The following HTR4 variants were observed in gnomAD, a reference collection of about 807,000 sequenced individuals.
HTR4 encodes the protein 5-hydroxytryptamine (serotonin) receptor 4, G protein-coupled.
In HTR4, 16 loss-of-function variants were observed where a neutral mutation model predicts 36.8. The ratio of observed to expected loss-of-function variants is 0.43; its 90% confidence interval spans 0.29 to 0.66. The LOEUF (loss-of-function observed/expected upper bound fraction) is 0.66, where lower values mean the gene tolerates loss of function less well. Ranked by LOEUF, HTR4 falls within the 30% of genes least tolerant of loss-of-function variation. The pLI, the probability that HTR4 is intolerant of heterozygous loss-of-function variation, is 0.13. For missense variants in HTR4, 438 were observed against 490.9 expected (o/e 0.89, Z 1.02); for synonymous variants, 189 against 185.1 (o/e 1.02, Z -0.17).
At chr5:148,505,654 T>G (rs1459221106) in intron 6 of HTR4, among the ~76,000 whole-genome samples, 2 of 152,242 alleles carry the variant, frequency 1.3e-5, no homozygotes, top group Admixed American at 1.3e-4. Context: ...CTCCTTAAGC[T>G]GATAGGCAAC....
intron 5 of HTR4, among the ~76,000 whole-genome samples, chr5:148,458,758 A>C (rs564989755): frequency 6.6e-6 from 1 of 152,306 alleles, no homozygotes; most frequent in Admixed American, 6.5e-5. Context: ...GCACAAAGTC[A>C]GCAGGGACCC....
intron 6 of HTR4, among the ~76,000 whole-genome samples, chr5:148,507,015 T>C (rs1469327517): frequency 2.6e-5 from 4 of 152,200 alleles, no homozygotes; most frequent in Non-Finnish European, 4.4e-5. Flanking sequence ...CCAGCCATCC[T>C]GTTACTGGGT....
At chr5:148,535,027 CAG>C (rs1561602964) in intron 4 of HTR4, among the ~76,000 whole-genome samples, 1 of 152,090 alleles carries the variant, frequency 6.6e-6, no homozygotes, top group African/African-American at 2.4e-5. Context: ...TGTGAGGAAA[CAG>C]GGGAGCCACA....
intron 2 of HTR4, among the ~76,000 whole-genome samples, chr5:148,578,025 A>C (rs949913203): frequency 2.0e-5 from 3 of 152,094 alleles, no homozygotes; most frequent in Non-Finnish European, 4.4e-5. Flanking sequence ...CAAATGATAT[A>C]TGAAGTATGT....
At chr5:148,567,973 A>G (rs951184816) in intron 2 of HTR4, among the ~76,000 whole-genome samples, 1 of 152,166 alleles carries the variant, frequency 6.6e-6, no homozygotes, top group African/African-American at 2.4e-5. Context: ...CTTAACAGAT[A>G]CAAGTTAAGC....
chr5:148,563,184 C>T (rs1253387448), intron 2 of HTR4, among the ~76,000 whole-genome samples: 11 of 152,178 alleles, frequency 7.2e-5, no homozygotes, highest in Admixed American at 7.2e-4. Context: ...CCAGGCTGCT[C>T]CCGCTAAGGA....
intron 4 of HTR4, among the ~76,000 whole-genome samples, chr5:148,543,236 A>C (rs1030674376): frequency 2.6e-5 from 4 of 152,210 alleles, no homozygotes; most frequent in Non-Finnish European, 5.9e-5. Flanking sequence ...AGAGGGACAG[A>C]TAGAAAGAGA....
In HTR4 at chr5:148,470,383, C is replaced by T. The variant is rs139850264; in HGVS notation, c.1077-19111G>A. Among the ~76,000 whole-genome samples the T allele has an allele frequency of 4.1e-3, 627 of 152,208 alleles. 7 individuals are homozygous for T. The highest frequency in any genetic ancestry group is 0.019 in the East Asian group (97 of 5,182). ...GGCAATTTGCTCAAGATCATACTGA[C>T]GGTAAGAGGCCATAAGGATTCAAAT... On this transcript the variant is annotated intron_variant, in intron 5 of 5. Coordinates refer to the HTR4 transcript ENST00000521530.
At chr5:148,570,764 C>T (rs1375279011) in intron 2 of HTR4, among the ~76,000 whole-genome samples, 1 of 152,030 alleles carries the variant, frequency 6.6e-6, no homozygotes, top group Non-Finnish European at 1.5e-5. Context: ...ATTAGATTTG[C>T]ATTTTGACCT....
chr5:148,473,964 AC>A (rs928457541), downstream of HTR4, among the ~76,000 whole-genome samples: 2 of 152,074 alleles, frequency 1.3e-5, no homozygotes, highest in Non-Finnish European at 2.9e-5. Flanking sequence ...ATTAGATGAG[AC>A]AGAATTCAAG....
intron 4 of HTR4, among the ~76,000 whole-genome samples, chr5:148,527,751 A>G (rs1485242320): frequency 6.6e-6 from 1 of 152,136 alleles, no homozygotes; most frequent in Non-Finnish European, 1.5e-5. Context: ...GTAGCTGGGA[A>G]TACAGGCGTG....
At chr5:148,504,033 A>G (rs1386655969) in intron 6 of HTR4, among the ~76,000 whole-genome samples, 2 of 152,212 alleles carry the variant, frequency 1.3e-5, no homozygotes, top group African/African-American at 4.8e-5. Context: ...AGATTCCCAC[A>G]CAATAATAAT....
intron 2 of HTR4, among the ~76,000 whole-genome samples, chr5:148,558,759 T>C (rs942971316): frequency 2.4e-4 from 37 of 152,196 alleles, no homozygotes; most frequent in African/African-American, 8.4e-4. Context: ...TGTAGTGAAG[T>C]TGAAGTCAGA....
At position 148,509,891 on chromosome 5, in the gene HTR4, C is replaced by T. The variant is rs201241319; in HGVS notation, c.641G>A (p.Arg214His). Residue 214 changes from arginine to histidine, a missense_variant, in exon 6 of 7, where the codon CGC becomes CAC. By Grantham distance (29) the Arg-to-His change is conservative. Coordinates refer to ENST00000377888, the MANE Select transcript of HTR4 (RefSeq NM_000870.7). Reference protein sequence around the residue: ...PFLLMVLAYYRIYVTAKEHAH... With the variant: ...PFLLMVLAYYHIYVTAKEHAH... The stretch of plus-strand genomic sequence containing the variant: ...ATGCTCCTTAGCTGTGACATAGATG[C>T]GGTAATAGGCCAGCACCATGAGGAG... 110 of 1,613,806 alleles carry T rather than the reference C, an allele frequency of 6.8e-5. No homozygotes were observed. Among genetic ancestry groups the T allele is most frequent in the Middle Eastern group, 3.3e-4 (2 of 6,060 alleles).
intron 5 of HTR4, among the ~76,000 whole-genome samples, chr5:148,520,633 T>A (rs115905474): frequency 6.6e-6 from 1 of 152,188 alleles, no homozygotes; most frequent in African/African-American, 2.4e-5. Flanking sequence ...AATGATAGGA[T>A]CTACTTCATA....
chr5:148,538,202 C>CA (rs1403599338), intron 4 of HTR4, among the ~76,000 whole-genome samples: 4 of 151,584 alleles, frequency 2.6e-5, no homozygotes, highest in South Asian at 2.1e-4. Context: ...TAAAAATTCT[C>CA]AAAAAAAACT....
intron 1 of HTR4, among the ~76,000 whole-genome samples, chr5:148,638,814 G>C (rs189396992): frequency 1.3e-5 from 2 of 152,070 alleles, no homozygotes; most frequent in African/African-American, 2.4e-5. Flanking sequence ...CAACACTTTG[G>C]GGGGCCTAGG....
chr5:148,531,302 C>T (rs1478450999), intron 4 of HTR4, among the ~76,000 whole-genome samples: 2 of 152,024 alleles, frequency 1.3e-5, no homozygotes, highest in South Asian at 2.1e-4. Flanking sequence ...GGGAGAAACC[C>T]GGTTGGAGGT....
intron 4 of HTR4, among the ~76,000 whole-genome samples, chr5:148,531,418 T>G (rs753800902): frequency 5.9e-5 from 9 of 152,210 alleles, no homozygotes; most frequent in Non-Finnish European, 1.2e-4. Flanking sequence ...ACAAGCTCTC[T>G]TCTCTTGTCT....
Sources: gnomAD v4.1 joint callset for allele counts (sites outside exome capture counted in the v4.1 genomes callset) on GRCh38, gnomAD v4.1.1 for gene constraint, MANE v1.5 for transcripts, NCBI Gene and HGNC (gene_info 2026-07-23, HGNC 2026-07-21) for gene names.